TERT: variants seen among roughly 807,000 people sequenced by gnomAD.
TERT encodes telomerase reverse transcriptase, also known as telomerase catalytic subunit.
In TERT, 42 loss-of-function variants were observed where a neutral mutation model predicts 104.0. The ratio of observed to expected loss-of-function variants is 0.40; its 90% CI spans 0.32 to 0.52. The LOEUF (loss-of-function observed/expected upper bound fraction) is 0.52, where lower values mean the gene tolerates loss of function less well. Ranked by LOEUF, TERT falls within the 20% of genes least tolerant of loss-of-function variation. The pLI, the probability that TERT is intolerant of heterozygous loss-of-function variation, is 0.43. For synonymous variants in TERT, 781 were observed against 725.6 expected (o/e 1.08, Z -1.23); for missense variants, 1,101 against 1,610.3 (o/e 0.68, Z 5.41).
chr5:1,260,648 A>T (rs767477099), intron 11 of TERT, 48 bp from the exon 12 acceptor site: 14 of 1,610,372 alleles, frequency 8.7e-6, no homozygotes, highest in Non-Finnish European at 1.2e-5. Flanking sequence ...CCCCACACCC[A>T]GCCCCCTCCT....
intron 10 of TERT, among the ~76,000 whole-genome samples, chr5:1,266,206 T>G (rs1384615710): frequency 6.6e-6 from 1 of 152,228 alleles, no homozygotes; most frequent in Non-Finnish European, 1.5e-5. Flanking sequence ...GGTCACCGCC[T>G]GCACTCACCA....
At chr5:1,289,380 G>C (rs62332585) in intron 2 of TERT, among the ~76,000 whole-genome samples, 7,566 of 48,826 alleles carry the variant, frequency 0.15, 63 homozygotes, top group East Asian at 0.3. Context: ...CCGGGGACGG[G>C]GCCTCACTCA....
In TERT at chr5:1,270,968, C is replaced by A. The variant is rs1054732803; in HGVS notation, c.2468+151G>T. Reference sequence around the variant, plus strand: ...TTCCGGGGCCTCGGGAGCCTGCAGCCCAGGAGCCGGAGGGGGCGGGGGCCA... The same window carrying A: ...TTCCGGGGCCTCGGGAGCCTGCAGCACAGGAGCCGGAGGGGGCGGGGGCCA... On this transcript the variant is annotated intron_variant, in intron 8 of 15. Coordinates refer to ENST00000310581, the MANE Select transcript of TERT (RefSeq NM_198253.3). This position sits in a 1 kb window ranked among gnomAD's most constrained non-coding sequence, Gnocchi z 8.3. 23 of 656,882 alleles carry A rather than the reference C, an allele frequency of 3.5e-5. No individual in the cohort carries two copies. The East Asian group carries it at 6.1e-4, about 17-fold the overall frequency. The allele number at this position is 656,882 out of a possible 1,614,324, so 40.7% of individuals were successfully genotyped here.
In TERT at chr5:1,266,545, G is replaced by A. The variant is rs2126601591; in HGVS notation, c.2583-10C>T. On this transcript the variant is annotated splice_polypyrimidine_tract_variant and intron_variant, in intron 9 of 15. Transcript: ENST00000310581. ...CAAACGCAGGAGCAGCCTAAAATAAGGGAAAATACACAGCAAGGTTAACTT... is the reference window on the plus strand; with the variant it reads ...CAAACGCAGGAGCAGCCTAAAATAAAGGAAAATACACAGCAAGGTTAACTT... The A allele has an allele frequency of 6.2e-7, 1 of 1,603,236 alleles. No individual in the cohort carries two copies. Among genetic ancestry groups the A allele is most frequent in the East Asian group, 2.2e-5 (1 of 44,674 alleles).
intron 12 of TERT, among the ~76,000 whole-genome samples, chr5:1,259,961 G>T (rs1471910055): frequency 2.0e-5 from 3 of 149,968 alleles, no homozygotes; most frequent in Non-Finnish European, 4.5e-5. Flanking sequence ...CCACAGGAGA[G>T]GGGGAGTGGA....
rs1343519376 is a variant in TERT at position 1,286,382 on chromosome 5, C to T, written c.1574-3758G>A. 1.3e-5 allele frequency among the ~76,000 whole-genome samples: 2 copies of T among 152,150 alleles called. No homozygotes were observed. The highest frequency in any genetic ancestry group is 1.9e-4 in the East Asian group (1 of 5,194). On this transcript the variant is annotated intron_variant, in intron 2 of 15. Transcript: ENST00000310581. This position sits in a 1 kb window ranked among gnomAD's most constrained non-coding sequence, Gnocchi z 5.3. Reference sequence around the variant, plus strand: ...CAGACGGGGAACAAAGGAGGAAAAGCAGGGCGGGGGCAAAGCTACAGAAAC... The same window carrying T: ...CAGACGGGGAACAAAGGAGGAAAAGTAGGGCGGGGGCAAAGCTACAGAAAC...
chr5:1,278,301 C>T (rs115630293), intron 6 of TERT, among the ~76,000 whole-genome samples: 31 of 152,252 alleles, frequency 2.0e-4, no homozygotes, highest in African/African-American at 7.0e-4. Flanking sequence ...GCCATAGACA[C>T]GCATATGTCA....
intron 2 of TERT, among the ~76,000 whole-genome samples, chr5:1,291,863 T>A (rs1399623355): frequency 6.6e-6 from 1 of 152,174 alleles, no homozygotes; most frequent in African/African-American, 2.4e-5. Context: ...ATCAGAGAAC[T>A]CAAACTCTCC....
rs1747492863 is a variant in TERT at position 1,253,628 on chromosome 5, C to A, written c.*100G>T. On this transcript the variant is annotated 3_prime_UTR_variant, in exon 16 of 16. Coordinates refer to ENST00000310581, the MANE Select transcript of TERT (RefSeq NM_198253.3). Reference sequence around the variant, plus strand: ...CTCAGGCCTCAGACTCCCAGCGGTGCGGGCCTGGGTGTGGGCCGCCCCTCC... The same window carrying A: ...CTCAGGCCTCAGACTCCCAGCGGTGAGGGCCTGGGTGTGGGCCGCCCCTCC... The A allele has an allele frequency of 3.0e-6, 3 of 990,880 alleles. No homozygotes were observed. Among genetic ancestry groups the A allele is most frequent in the South Asian group, 1.4e-5 (1 of 72,974 alleles). 61.4% of individuals were successfully genotyped at this position (990,880 alleles called of 1,614,324 possible).
chr5:1,287,701 T>C lies in TERT; in HGVS notation c.1574-5077A>G, dbSNP rs1422845989. 6.6e-6 allele frequency among the ~76,000 whole-genome samples: 1 copy of C among 151,894 alleles called. No individual in the cohort carries two copies. Among genetic ancestry groups the C allele is most frequent in the African/African-American group, 2.4e-5 (1 of 41,328 alleles). ...TCTACCACGTGCATGCACCTAACAA[T>C]GCCTCACATAAATGCTACCAAACGA... is the stretch of plus-strand genomic sequence containing the variant. On this transcript the variant is annotated intron_variant, in intron 2 of 15. Transcript: ENST00000310581. The surrounding 1 kb of genome is among the most constrained non-coding windows in gnomAD (Gnocchi z 4.3).
At position 1,288,366 on chromosome 5, in the gene TERT, T is replaced by C. The variant is rs529621799; in HGVS notation, c.1573+4947A>G. 2.6e-5 allele frequency among the ~76,000 whole-genome samples: 4 copies of C among 152,068 alleles called. No individual in the cohort carries two copies. The highest frequency in any genetic ancestry group is 5.9e-5 in the Non-Finnish European group (4 of 68,024). ...CAAGAAAAAGCATACAATGGAGAGA[T>C]AGAAACGTCAGAGGTAAATCAGTGA... is the stretch of plus-strand genomic sequence containing the variant. On this transcript the variant is annotated intron_variant, in intron 2 of 15. Transcript: ENST00000310581. The surrounding 1 kb of genome is among the most constrained non-coding windows in gnomAD (Gnocchi z 5.3).
rs1169312254 is a variant in TERT, at chr5:1,271,168, C to T, written c.2419G>A (p.Asp807Asn). The T allele has an allele frequency of 3.7e-6, 6 of 1,613,024 alleles. No individual in the cohort carries two copies. Among genetic ancestry groups the T allele is most frequent in the East Asian group, 2.2e-5 (1 of 44,888 alleles). The change falls in exon 8 of 16, where the codon GAC becomes AAC. Residue 807 changes from aspartate to asparagine, a missense_variant. Coordinates refer to ENST00000310581, the MANE Select transcript of TERT (RefSeq NM_198253.3). Reference protein sequence around the residue: ...SLNEASSGLFDVFLRFMCHHA... With the variant: ...SLNEASSGLFNVFLRFMCHHA... ...TGGCACATGAAGCGTAGGAAGACGT[C>T]GAAGAGGCCACTGCTGGCCTCATTC...
rs756628621 is a variant in TERT, at chr5:1,253,775, C to T, written c.3352G>A (p.Ala1118Thr). The change falls in exon 16 of 16, where the codon GCA (alanine) becomes ACA (threonine). Residue 1118 changes from alanine to threonine, a missense_variant. Ala to Thr is a moderately conservative substitution (Grantham distance 58). Coordinates refer to ENST00000310581, the MANE Select transcript of TERT (RefSeq NM_198253.3). ...TCTGAGGGCAGTGCCGGGTTGGCTGCGGCCTCCAGGGCAGTCAGCGTCGTC... is the reference window on the plus strand; with the variant it reads ...TCTGAGGGCAGTGCCGGGTTGGCTGTGGCCTCCAGGGCAGTCAGCGTCGTC... ...PGTTLTALEA[A>T]ANPALPSDFK... is the part of the protein sequence containing the mutation. The T allele has an allele frequency of 1.9e-5, 30 of 1,612,064 alleles. No individual in the cohort carries two copies. The highest frequency in any genetic ancestry group is 2.4e-5 in the Non-Finnish European group (28 of 1,179,776).
chr5:1,253,330 G>C lies in TERT; in HGVS notation c.*398C>G. ...CCCAGAGCTCCCAGGGTCCTTCTCA[G>C]GGTCTCCACCTGGATGGTGGGGGTG... On this transcript the variant is annotated 3_prime_UTR_variant, in exon 16 of 16. Coordinates refer to ENST00000310581, the MANE Select transcript of TERT (RefSeq NM_198253.3). The C allele has an allele frequency of 2.5e-6, 1 of 407,058 alleles. No homozygotes were observed. Among genetic ancestry groups the C allele is most frequent in the Non-Finnish European group, 4.6e-6 (1 of 219,350 alleles). The allele number at this position is 407,058 out of a possible 1,614,324, so 25.2% of individuals were successfully genotyped here. A position where few individuals can be genotyped will look rare whatever the true frequency, so the allele number is the denominator to read the frequency against.
chr5:1,272,037 G>T, intron 7 of TERT, 148 bp downstream of exon 7: 1 of 758,208 alleles, frequency 1.3e-6, no homozygotes, highest in Non-Finnish European at 2.3e-6. Context: ...TTTCGCCAAG[G>T]CACACAGCTC....
In TERT at chr5:1,255,798, C is replaced by G. The variant is rs995099470; in HGVS notation, c.3033-387G>C. 6.6e-6 allele frequency among the ~76,000 whole-genome samples: 1 copy of G among 152,062 alleles called. No individual in the cohort carries two copies. The highest frequency in any genetic ancestry group is 2.4e-5 in the African/African-American group (1 of 41,390). ...TACCAGCAGGTACTTATCATGAATCCTGCCCTTCGTCAGACAACCTTGATG... is the reference window on the plus strand; with the variant it reads ...TACCAGCAGGTACTTATCATGAATCGTGCCCTTCGTCAGACAACCTTGATG... On this transcript the variant is annotated intron_variant, in intron 13 of 15. Transcript: ENST00000310581. The surrounding 1 kb of genome is among the most constrained non-coding windows in gnomAD (Gnocchi z 6.9).
At chr5:1,275,021 G>A (rs893078918) in intron 6 of TERT, among the ~76,000 whole-genome samples, 20 of 152,156 alleles carry the variant, frequency 1.3e-4, no homozygotes, top group Admixed American at 9.8e-4. Context: ...GAAGGAAAAC[G>A]GAGGTTGTCA....
intron 2 of TERT, among the ~76,000 whole-genome samples, chr5:1,284,142 G>A (rs1433540636): frequency 1.8e-5 from 2 of 111,332 alleles, no homozygotes; most frequent in Non-Finnish European, 3.7e-5. Context: ...AGGGCCTGGC[G>A]ACCACACCCC....
At position 1,274,023 on chromosome 5, in the gene TERT, C is replaced by T. The variant is rs1322153312; in HGVS notation, c.2287-1743G>A. Among the ~76,000 whole-genome samples, 3 of 152,216 alleles carry T rather than the reference C, an allele frequency of 2.0e-5. No individual in the cohort carries two copies. The highest frequency in any genetic ancestry group is 2.4e-5 in the African/African-American group (1 of 41,456). On this transcript the variant is annotated intron_variant, in intron 6 of 15. Transcript: ENST00000310581. This position sits in a 1 kb window ranked among gnomAD's most constrained non-coding sequence, Gnocchi z 5.3. ...CCCCCAGGACGCTTGTCATTTACTA[C>T]GGGACCTGCTAAGCCCCTGCGTCCC...
Sources: allele counts gnomAD v4.1 joint callset (sites outside exome capture counted in the v4.1 genomes callset), GRCh38; gene constraint gnomAD v4.1.1; non-coding constraint Gnocchi (gnomAD v3.1); transcripts MANE v1.5; gene names NCBI Gene and HGNC (gene_info 2026-07-23, HGNC 2026-07-21).